SLC30A8: variants seen among roughly 807,000 people sequenced by gnomAD.
The protein encoded by SLC30A8 is proton-coupled zinc antiporter SLC30A8.
In SLC30A8, 27 loss-of-function variants were observed where a neutral mutation model predicts 36.9. The ratio of observed to expected loss-of-function variants is 0.73; its 90% CI spans 0.54 to 1.01. The LOEUF (loss-of-function observed/expected upper bound fraction) is 1.01, where lower values mean the gene tolerates loss of function less well. SLC30A8 is among the 50% of genes least tolerant of loss of function. The pLI, the probability that SLC30A8 is intolerant of heterozygous loss-of-function variation, is 0.00. For missense variants in SLC30A8, 439 were observed against 452.0 expected (o/e 0.97, Z 0.26); for synonymous variants, 164 against 172.4 (o/e 0.95, Z 0.38).
At chr8:117,045,905 G>C (rs1386984228) in intron 2 of SLC30A8, among the ~76,000 whole-genome samples, 2 of 151,366 alleles carry the variant, frequency 1.3e-5, no homozygotes, top group Admixed American at 1.3e-4. Flanking sequence ...TTCAAGGAGA[G>C]CCTGGGCAGA....
At chr8:117,044,338 G>A (rs1246946118) in intron 2 of SLC30A8, among the ~76,000 whole-genome samples, 4 of 152,218 alleles carry the variant, frequency 2.6e-5, no homozygotes, top group Non-Finnish European at 4.4e-5. Flanking sequence ...ATTGGAGGCT[G>A]TTTGTCCTTA....
chr8:117,144,565 GT>G (rs1275097412), intron 1 of SLC30A8, among the ~76,000 whole-genome samples: 8 of 152,016 alleles, frequency 5.3e-5, no homozygotes, highest in Non-Finnish European at 4.4e-5. Flanking sequence ...AAAATGAGTT[GT>G]CCAATAATTT....
intron 2 of SLC30A8, among the ~76,000 whole-genome samples, chr8:117,095,305 G>A (rs1329278108): frequency 6.6e-6 from 1 of 152,072 alleles, no homozygotes; most frequent in Admixed American, 6.5e-5. Context: ...CTACTAGTTA[G>A]TGTTACTAGC....
chr8:117,071,694 T>C (rs770469805), intron 2 of SLC30A8, among the ~76,000 whole-genome samples: 15 of 152,212 alleles, frequency 9.9e-5, no homozygotes, highest in Non-Finnish European at 1.8e-4. Flanking sequence ...CTTATATTTA[T>C]GCCTGTAATT....
chr8:117,123,528 C>CT (rs1422740370), intron 2 of SLC30A8, among the ~76,000 whole-genome samples: 2 of 151,964 alleles, frequency 1.3e-5, no homozygotes, highest in African/African-American at 4.8e-5. Flanking sequence ...TTGTGAGATA[C>CT]TTTTTGTGTG....
chr8:117,005,001 T>C (rs934528639), intron 1 of SLC30A8, among the ~76,000 whole-genome samples: 3 of 152,202 alleles, frequency 2.0e-5, no homozygotes, highest in Non-Finnish European at 2.9e-5. Context: ...TTTATTAATA[T>C]ATAACTCACA....
chr8:117,057,518 C>T (rs1364004515), intron 2 of SLC30A8, among the ~76,000 whole-genome samples: 2 of 152,084 alleles, frequency 1.3e-5, no homozygotes, highest in African/African-American at 2.4e-5. Context: ...CTTTGATCAA[C>T]ATTTCCTCCA....
At chr8:116,950,354 C>T (rs1328338923), upstream of SLC30A8, 1 of 152,682 alleles carries the variant, frequency 6.5e-6, no homozygotes, top group African/African-American at 2.4e-5. Context: ...AGAATCCTCT[C>T]CTGAACCCTG....
intron 1 of SLC30A8, among the ~76,000 whole-genome samples, chr8:116,989,559 A>T (rs1388837256): frequency 6.6e-6 from 1 of 152,156 alleles, no homozygotes; most frequent in East Asian, 1.9e-4. Flanking sequence ...ATTGTTTATT[A>T]TTTACCTAAA....
intron 2 of SLC30A8, among the ~76,000 whole-genome samples, chr8:117,105,785 T>G (rs1257605539): frequency 1.3e-5 from 2 of 152,204 alleles, no homozygotes; most frequent in Non-Finnish European, 2.9e-5. Flanking sequence ...CCTTCACAGC[T>G]GCACCTAGAT....
chr8:117,032,157 C>CA (rs1817074148), intron 1 of SLC30A8, among the ~76,000 whole-genome samples: 1 of 146,966 alleles, frequency 6.8e-6, no homozygotes, highest in Admixed American at 6.8e-5. Flanking sequence ...TCCTGCCATG[C>CA]TTTTTTTTTT....
chr8:117,016,441 CA>C (rs1191770624), intron 1 of SLC30A8, among the ~76,000 whole-genome samples: 1 of 152,126 alleles, frequency 6.6e-6, no homozygotes, highest in African/African-American at 2.4e-5. Flanking sequence ...CAGGAAAAGA[CA>C]GGGGCAAAGA....
chr8:117,152,076 G>GTCTC (rs1190776479), intron 2 of SLC30A8, among the ~76,000 whole-genome samples: 1 of 152,164 alleles, frequency 6.6e-6, no homozygotes, highest in Non-Finnish European at 1.5e-5. Context: ...ATGGCTGACA[G>GTCTC]TCTCTGCTAT....
intron 1 of SLC30A8, among the ~76,000 whole-genome samples, chr8:117,033,767 G>A (rs1817127419): frequency 6.6e-6 from 1 of 152,180 alleles, no homozygotes; most frequent in African/African-American, 2.4e-5. Context: ...TCAGAACCAA[G>A]CAATGAGGGC....
chr8:117,095,596 C>T (rs1476837117), intron 2 of SLC30A8, among the ~76,000 whole-genome samples: 1 of 152,134 alleles, frequency 6.6e-6, no homozygotes, highest in East Asian at 1.9e-4. Context: ...AAACAAAAAG[C>T]AACAACAACC....
intron 2 of SLC30A8, among the ~76,000 whole-genome samples, chr8:117,098,424 T>C (rs568743342): frequency 7.9e-5 from 12 of 152,280 alleles, no homozygotes; most frequent in African/African-American, 2.9e-4. Flanking sequence ...CACTCGTCTG[T>C]CCTACTTTAA....
At chr8:117,011,651 C>G (rs1816347496) in intron 1 of SLC30A8, among the ~76,000 whole-genome samples, 1 of 152,160 alleles carries the variant, frequency 6.6e-6, no homozygotes, top group South Asian at 2.1e-4. Flanking sequence ...AAAAATATAG[C>G]ATTCAATTTT....
rs1481526108 is a variant in SLC30A8, at chr8:117,174,191, T to C, written c.*1510T>C. The C allele has an allele frequency of 6.6e-6, 1 of 152,146 alleles. No homozygotes were observed. The highest frequency in any genetic ancestry group is 1.5e-5 in the Non-Finnish European group (1 of 68,020). The allele number at this position is 152,146 out of a possible 1,614,324, so 9.4% of individuals were successfully genotyped here. Reference sequence around the variant, plus strand: ...GATAGGTCTTAGATGATTTTTATGTTGTTGTCAGACTCTAGCAAGGTACTA... The same window carrying C: ...GATAGGTCTTAGATGATTTTTATGTCGTTGTCAGACTCTAGCAAGGTACTA... On this transcript the variant is annotated 3_prime_UTR_variant, in exon 8 of 8. Transcript: ENST00000456015.
Position 117,175,932 on chromosome 8 carries a change from A to C in SLC30A8, c.*3251A>C, listed in dbSNP as rs954965808. On this transcript the variant is annotated 3_prime_UTR_variant, in exon 8 of 8. Coordinates refer to ENST00000456015, the MANE Select transcript of SLC30A8 (RefSeq NM_173851.3). ...GAATCCCTTTCTGACTGTCTCTGAA[A>C]GCTTCCGCTTTTATCTTTGAAGAGC... The C allele has an allele frequency of 5.9e-5, 9 of 152,088 alleles. No individual in the cohort carries two copies. The highest frequency in any genetic ancestry group is 8.8e-5 in the Non-Finnish European group (6 of 67,986). 9.4% of individuals were successfully genotyped at this position (152,088 alleles called of 1,614,324 possible).
Sources: gnomAD v4.1 joint callset for allele counts (sites outside exome capture counted in the v4.1 genomes callset) on GRCh38, gnomAD v4.1.1 for gene constraint, MANE v1.5 for transcripts, NCBI Gene and HGNC (gene_info 2026-07-23, HGNC 2026-07-21) for gene names.